Variants in C1orf94 observed in about 807,000 individuals in gnomAD.
The protein encoded by C1orf94 is chromosome 1 open reading frame 94, also known as uncharacterized protein C1orf94.
Under a neutral mutation model 53.6 loss-of-function variants are expected in C1orf94, and 45 were observed. The observed-to-expected ratio is 0.84, with a 90% confidence interval of 0.66 to 1.08. C1orf94 has a LOEUF of 1.08. Among genes scored for constraint, C1orf94 ranks in the 50% least tolerant of loss-of-function variants. C1orf94 has a pLI of 0.00. For missense variants in C1orf94, 762 were observed against 738.9 expected (o/e 1.03, Z -0.36); for synonymous variants, 304 against 296.1 (o/e 1.03, Z -0.27).
chr1:34,218,070 G>A (rs1408515498), intron 6 of C1orf94, among the ~76,000 whole-genome samples: 2 of 152,116 alleles, frequency 1.3e-5, no homozygotes, highest in Non-Finnish European at 2.9e-5. Context: ...AAGGAGAGGC[G>A]TGTGCATTTC....
At chr1:34,210,662 T>C (rs961462362) in intron 5 of C1orf94, among the ~76,000 whole-genome samples, 1 of 143,470 alleles carries the variant, frequency 7.0e-6, no homozygotes, top group African/African-American at 2.8e-5. Context: ...TGTGGATTGT[T>C]TTTTTTTTTT....
At chr1:34,168,041 G>T (rs1457354729) in intron 1 of C1orf94, among the ~76,000 whole-genome samples, 4 of 152,102 alleles carry the variant, frequency 2.6e-5, no homozygotes, top group African/African-American at 9.7e-5. Context: ...ACTAATTAAG[G>T]ATGCTACAAA....
rs982589175 is a variant in C1orf94 at position 34,197,866 on chromosome 1, G to T, written c.962G>T (p.Cys321Phe). ...KRQLPVFAKI[C>F]SKPKADPAVE... Reference sequence around the variant, plus strand: ...CAGCTCCCAGTGTTTGCCAAGATCTGTTCCAAGCCCAAGGCTGACCCTGCT... The same window carrying T: ...CAGCTCCCAGTGTTTGCCAAGATCTTTTCCAAGCCCAAGGCTGACCCTGCT... Residue 321 changes from cysteine to phenylalanine, a missense_variant, in exon 2 of 7, where the codon TGT becomes TTT. By Grantham distance (205) the Cys-to-Phe change is radical. Coordinates refer to ENST00000488417, the MANE Select transcript of C1orf94 (RefSeq NM_001134734.2). This position sits in a 1 kb window ranked among gnomAD's most constrained non-coding sequence, Gnocchi z 4.1. 1 of 1,614,194 alleles carries T rather than the reference G, an allele frequency of 6.2e-7. No homozygotes were observed. The highest frequency in any genetic ancestry group is 8.5e-7 in the Non-Finnish European group (1 of 1,180,036).
intron 3 of C1orf94, among the ~76,000 whole-genome samples, chr1:34,201,612 A>T (rs1219147738): frequency 1.3e-4 from 20 of 152,352 alleles, no homozygotes; most frequent in African/African-American, 4.8e-4. Flanking sequence ...ATTCCCATAT[A>T]GATACAACAA....
intron 1 of C1orf94, among the ~76,000 whole-genome samples, chr1:34,180,019 A>G (rs914309063): frequency 1.3e-5 from 2 of 152,220 alleles, no homozygotes; most frequent in African/African-American, 4.8e-5. Flanking sequence ...ATAGAACACA[A>G]TGAGCTATTC....
At chr1:34,208,891 C>A (rs1258126138) in intron 5 of C1orf94, among the ~76,000 whole-genome samples, 1 of 152,188 alleles carries the variant, frequency 6.6e-6, no homozygotes, top group Non-Finnish European at 1.5e-5. Flanking sequence ...ACGCAAACGA[C>A]ATGGCTTTGC....
chr1:34,168,972 A>C (rs1162569301), intron 1 of C1orf94, among the ~76,000 whole-genome samples: 1 of 152,182 alleles, frequency 6.6e-6, no homozygotes. Context: ...TGACAGTCAG[A>C]AAATATATGT....
At chr1:34,194,696 C>T (rs1056475723) in intron 1 of C1orf94, among the ~76,000 whole-genome samples, 5 of 152,112 alleles carry the variant, frequency 3.3e-5, no homozygotes, top group Non-Finnish European at 7.4e-5. Context: ...AGGCATTCCC[C>T]GGCATAATTT....
At chr1:34,196,413 C>T (rs1642581169) in intron 1 of C1orf94, among the ~76,000 whole-genome samples, 1 of 152,138 alleles carries the variant, frequency 6.6e-6, no homozygotes, top group Non-Finnish European at 1.5e-5. Context: ...CTCCCCACTG[C>T]TGGTGCTGTA....
chr1:34,184,459 G>T (rs1642356211), intron 1 of C1orf94, among the ~76,000 whole-genome samples: 1 of 152,192 alleles, frequency 6.6e-6, no homozygotes, highest in African/African-American at 2.4e-5. Context: ...TTGGTCTGCA[G>T]AGTGGAAAGG....
rs368316813 is a variant in C1orf94, at chr1:34,210,607, G to C, written c.1525-1603G>C. Reference sequence around the variant, plus strand: ...CTGGAGTTTTAACGACAGCATCCATGTGAAGGGCCGGGCACATTTTAAGCA... The same window carrying C: ...CTGGAGTTTTAACGACAGCATCCATCTGAAGGGCCGGGCACATTTTAAGCA... On this transcript the variant is annotated intron_variant, in intron 5 of 6. Coordinates refer to ENST00000488417, the MANE Select transcript of C1orf94 (RefSeq NM_001134734.2). Among the ~76,000 whole-genome samples, 3 of 151,890 alleles carry C rather than the reference G, an allele frequency of 2.0e-5. No individual in the cohort carries two copies. In the East Asian group the frequency reaches 5.8e-4, roughly 29 times the overall value.
chr1:34,197,822 G>A lies in C1orf94; in HGVS notation c.918G>A (p.Glu306=). 1 of 1,614,226 alleles carries A rather than the reference G, an allele frequency of 6.2e-7. No homozygotes were observed. The highest frequency in any genetic ancestry group is 2.2e-5 in the East Asian group (1 of 44,880). The part of the protein sequence containing the change: ...PPPARPDKLP[E]LPAQKRQLPV... Reference sequence around the variant, plus strand: ...CTGCACGTCCTGACAAGCTCCCTGAGCTCCCTGCTCAGAAGAGGCAGCTCC... The same window carrying A: ...CTGCACGTCCTGACAAGCTCCCTGAACTCCCTGCTCAGAAGAGGCAGCTCC... The change falls in exon 2 of 7, where the codon GAG becomes GAA. Residue 306 remains glutamate (E), a synonymous_variant. Transcript: ENST00000488417. This position sits in a 1 kb window ranked among gnomAD's most constrained non-coding sequence, Gnocchi z 4.1.
chr1:34,175,068 T>A (rs959367305), upstream of C1orf94, among the ~76,000 whole-genome samples: 2 of 152,230 alleles, frequency 1.3e-5, no homozygotes, highest in African/African-American at 4.8e-5. Context: ...GGCTACCATA[T>A]GGACATAGCT....
At chr1:34,214,897 T>C (rs946578948) in intron 6 of C1orf94, among the ~76,000 whole-genome samples, 3 of 152,066 alleles carry the variant, frequency 2.0e-5, no homozygotes, top group Admixed American at 2.0e-4. Flanking sequence ...GGAAAAATAA[T>C]GTAAGGGATG....
In C1orf94 at chr1:34,213,685, C is replaced by T. The variant is rs566519537; in HGVS notation, c.1721+1279C>T. On this transcript the variant is annotated intron_variant, in intron 6 of 6. Transcript: ENST00000488417. ...CCTTCCGAGTAGCTGGGATTACAGA[C>T]GTCCACCACCACACCCAGCTAATTT... Among the ~76,000 whole-genome samples, 48 of 152,090 alleles carry T rather than the reference C, an allele frequency of 3.2e-4. No homozygotes were observed. In the Middle Eastern group the frequency reaches 0.01, roughly 32 times the overall value.
chr1:34,200,223 A>G (rs1170700667), intron 2 of C1orf94, among the ~76,000 whole-genome samples: 2 of 152,240 alleles, frequency 1.3e-5, no homozygotes, highest in African/African-American at 4.8e-5. Flanking sequence ...TTCTGTAAGA[A>G]TGTGTGACTC....
chr1:34,177,349 C>T lies in C1orf94; in HGVS notation c.-441C>T, dbSNP rs1198033938. ...AGTGCCTACAATGGTGCCAGGCCCGCACCCAGTCCTCCGCGTGGCTTAGCG... is the reference window on the plus strand; with the variant it reads ...AGTGCCTACAATGGTGCCAGGCCCGTACCCAGTCCTCCGCGTGGCTTAGCG... On this transcript the variant is annotated 5_prime_UTR_variant, in exon 1 of 7. Coordinates refer to ENST00000488417, the MANE Select transcript of C1orf94 (RefSeq NM_001134734.2). Among the ~76,000 whole-genome samples, 1 of 152,198 alleles carries T rather than the reference C, an allele frequency of 6.6e-6. No individual in the cohort carries two copies. The highest frequency in any genetic ancestry group is 6.5e-5 in the Admixed American group (1 of 15,290).
At position 34,197,715 on chromosome 1, in the gene C1orf94, C is replaced by T; in HGVS notation, c.811C>T (p.Gln271Ter). 6.2e-7 allele frequency: 1 copy of T among 1,614,166 alleles called. No individual in the cohort carries two copies. The highest frequency in any genetic ancestry group is 1.7e-5 in the Admixed American group (1 of 60,032). ...GACAAGGGTCACCAAGGACTTCCTA[C>T]AGGACAACCTGTTCAGTGGCCCTGG... ...DKTRVTKDFLQDNLFSGPGPK... is the reference protein window; with the variant it reads ...DKTRVTKDFL The change falls in exon 2 of 7, where the codon CAG becomes TAG. Residue 271 changes from glutamine to a stop codon, truncating the protein, a stop_gained. Coordinates refer to ENST00000488417, the MANE Select transcript of C1orf94 (RefSeq NM_001134734.2). LOFTEE classifies it high-confidence loss of function. This position sits in a 1 kb window ranked among gnomAD's most constrained non-coding sequence, Gnocchi z 4.1.
At chr1:34,171,908 C>T (rs1642150876), upstream of C1orf94, among the ~76,000 whole-genome samples, 1 of 152,220 alleles carries the variant, frequency 6.6e-6, no homozygotes, top group Non-Finnish European at 1.5e-5. Context: ...AGTTCGGGTG[C>T]TGGAAAGTAG....
Sources: gnomAD v4.1 joint callset for allele counts (sites outside exome capture counted in the v4.1 genomes callset) on GRCh38, gnomAD v4.1.1 for gene constraint, Gnocchi (gnomAD v3.1) non-coding constraint, MANE v1.5 for transcripts, NCBI Gene and HGNC (gene_info 2026-07-23, HGNC 2026-07-21) for gene names.